SYT2: variants seen among roughly 807,000 people sequenced by gnomAD.
SYT2 encodes the protein synaptotagmin 2.
Under a neutral mutation model 39.9 loss-of-function variants are expected in SYT2, and 15 were observed. The observed-to-expected ratio is 0.38, with a 90% confidence interval of 0.25 to 0.58. The LOEUF (loss-of-function observed/expected upper bound fraction) is 0.58. SYT2 is among the 20% of genes least tolerant of loss of function. SYT2 has a pLI of 0.70. For synonymous variants in SYT2, 181 were observed against 204.5 expected (o/e 0.89, Z 0.98); for missense variants, 389 against 530.3 (o/e 0.73, Z 2.62).
chr1:202,642,712 G>A (rs1691951922), intron 1 of SYT2, among the ~76,000 whole-genome samples: 1 of 152,214 alleles, frequency 6.6e-6, no homozygotes, highest in African/African-American at 2.4e-5. Context: ...CGTGCCTCCG[G>A]CACACCCCCC....
chr1:202,663,413 T>TC (rs2149106629), intron 1 of SYT2, among the ~76,000 whole-genome samples: 1 of 152,224 alleles, frequency 6.6e-6, no homozygotes, highest in East Asian at 1.9e-4. Context: ...ACACAATACT[T>TC]CCCCAAGAAA....
At chr1:202,667,399 G>A (rs569664853) in intron 1 of SYT2, among the ~76,000 whole-genome samples, 1 of 151,876 alleles carries the variant, frequency 6.6e-6, no homozygotes, top group African/African-American at 2.4e-5. Context: ...CACTTGTCAG[G>A]GGAGCTTGGG....
chr1:202,599,217 C>T lies in SYT2; in HGVS notation c.1053+1G>A, dbSNP rs1690410094. 4 of 1,613,378 alleles carry T rather than the reference C, an allele frequency of 2.5e-6. No homozygotes were observed. Among genetic ancestry groups the T allele is most frequent in the Non-Finnish European group, 3.4e-6 (4 of 1,179,692 alleles). ...TGCCTAGGAACCCAGGGCTCCAGCA[C>T]CTGAATCTGCTCGAAGGGGATCTCA... On this transcript the variant is annotated splice_donor_variant, in intron 8 of 8. Coordinates refer to ENST00000367268, the MANE Select transcript of SYT2 (RefSeq NM_177402.5). LOFTEE classifies it high-confidence loss of function. This position sits in a 1 kb window ranked among gnomAD's most constrained non-coding sequence, Gnocchi z 4.4.
intron 1 of SYT2, chr1:202,630,292 C>T (rs1426224690): frequency 9.7e-6 from 8 of 823,162 alleles, no homozygotes; most frequent in Non-Finnish European, 1.2e-5. Flanking sequence ...CTGGCTCCCA[C>T]ACACTCTGGC....
At chr1:202,644,463 C>T (rs1220319462) in intron 1 of SYT2, among the ~76,000 whole-genome samples, 1 of 152,144 alleles carries the variant, frequency 6.6e-6, no homozygotes, top group Non-Finnish European at 1.5e-5. Context: ...CCTCAACCCC[C>T]AACCTCACCC....
intron 1 of SYT2, among the ~76,000 whole-genome samples, chr1:202,649,345 A>G (rs1692149568): frequency 6.6e-6 from 1 of 152,226 alleles, no homozygotes; most frequent in African/African-American, 2.4e-5. Flanking sequence ...GCCTGGAGTT[A>G]ATGAGATTCA....
At chr1:202,653,930 G>A (rs1692234530) in intron 1 of SYT2, among the ~76,000 whole-genome samples, 1 of 152,160 alleles carries the variant, frequency 6.6e-6, no homozygotes, top group East Asian at 1.9e-4. Flanking sequence ...GACATCCCTG[G>A]GGCCTGGAAA....
chr1:202,609,147 G>A (rs1206987145), intron 1 of SYT2, among the ~76,000 whole-genome samples: 12 of 150,476 alleles, frequency 8.0e-5, no homozygotes, highest in East Asian at 2.0e-4. Context: ...TTGTCCTTGC[G>A]ATAGTTTGCT....
At chr1:202,598,201 C>G (rs935106731) in intron 8 of SYT2, among the ~76,000 whole-genome samples, 7 of 152,164 alleles carry the variant, frequency 4.6e-5, no homozygotes, top group African/African-American at 1.4e-4. Context: ...AGGTGACGCC[C>G]AGGTTTCTGA....
Position 202,623,204 on chromosome 1 carries a change from C to A in SYT2, c.-17-17415G>T, listed in dbSNP as rs2149084206. Among the ~76,000 whole-genome samples, 1 of 152,350 alleles carries A rather than the reference C, an allele frequency of 6.6e-6. No homozygotes were observed. Among genetic ancestry groups the A allele is most frequent in the South Asian group, 2.1e-4 (1 of 4,830 alleles). Reference sequence around the variant, plus strand: ...ACAACTTGAAACAGGACAGAGAAGCCCGCCATCCCCATGGGAGAGGAGCTG... The same window carrying A: ...ACAACTTGAAACAGGACAGAGAAGCACGCCATCCCCATGGGAGAGGAGCTG... On this transcript the variant is annotated intron_variant, in intron 1 of 8. Transcript: ENST00000367268. This position sits in a 1 kb window ranked among gnomAD's most constrained non-coding sequence, Gnocchi z 4.2.
Position 202,680,243 on chromosome 1 carries a change from G to A in SYT2, c.-18+30015C>T, listed in dbSNP as rs148991342. On this transcript the variant is annotated intron_variant, in intron 1 of 8. Transcript: ENST00000367268. ...AATTCAGAGGATTCAAATTAATATA[G>A]GCCATTATGTAATTGGTGCTGAAAT... is the stretch of plus-strand genomic sequence containing the variant. 7.9e-3 allele frequency among the ~76,000 whole-genome samples: 1,203 copies of A among 152,274 alleles called. 20 individuals carry two copies. The highest frequency in any genetic ancestry group is 0.028 in the African/African-American group (1,155 of 41,540).
At chr1:202,633,985 G>A (rs1230028206) in intron 1 of SYT2, among the ~76,000 whole-genome samples, 1 of 152,216 alleles carries the variant, frequency 6.6e-6, no homozygotes, top group Admixed American at 6.5e-5. Flanking sequence ...AATCTCACAT[G>A]TGGGAGCAAG....
In SYT2 at chr1:202,624,320, T is replaced by C. The variant is rs367924662; in HGVS notation, c.-17-18531A>G. 4.1e-5 allele frequency among the ~76,000 whole-genome samples: 6 copies of C among 145,128 alleles called. No individual in the cohort carries two copies. In the South Asian group the frequency reaches 1.1e-3, roughly 26 times the overall value. ...GTGTGATGTAGGGGGTGGTGTGGGT[T>C]AGGGGTGGAGGCTCTAGTGGGGTGT... is the stretch of plus-strand genomic sequence containing the variant. On this transcript the variant is annotated intron_variant, in intron 1 of 8. Coordinates refer to ENST00000367268, the MANE Select transcript of SYT2 (RefSeq NM_177402.5).
intron 1 of SYT2, among the ~76,000 whole-genome samples, chr1:202,651,415 A>G (rs1692192624): frequency 1.3e-5 from 2 of 152,158 alleles, no homozygotes; most frequent in African/African-American, 4.8e-5. Flanking sequence ...AGCCTGTGCC[A>G]TATCCAGGAG....
intron 1 of SYT2, among the ~76,000 whole-genome samples, chr1:202,625,335 TGTA>T (rs1310117790): frequency 1.4e-5 from 2 of 143,462 alleles, no homozygotes; most frequent in Non-Finnish European, 1.5e-5. Flanking sequence ...GTGTGTGGCA[TGTA>T]GTAGGGTGTG....
At chr1:202,677,423 C>G (rs1653405382) in intron 1 of SYT2, among the ~76,000 whole-genome samples, 2 of 152,318 alleles carry the variant, frequency 1.3e-5, no homozygotes, top group South Asian at 4.1e-4. Context: ...CTCTTAGGCA[C>G]TTATTCTTGG....
chr1:202,669,628 G>A (rs1180661103), intron 1 of SYT2, among the ~76,000 whole-genome samples: 2 of 151,776 alleles, frequency 1.3e-5, no homozygotes, highest in African/African-American at 4.8e-5. Flanking sequence ...GCCTAGTGGT[G>A]GACGCCTGTG....
intron 1 of SYT2, among the ~76,000 whole-genome samples, chr1:202,618,404 T>TGC (rs1419969446): frequency 2.4e-5 from 1 of 40,850 alleles, no homozygotes; most frequent in East Asian, 4.3e-4. Context: ...GGTGTGAGTG[T>TGC]GTGTGTGTGT....
At position 202,628,393 on chromosome 1, in the gene SYT2, G is replaced by A. The variant is rs1691478132; in HGVS notation, c.-17-22604C>T. 6.6e-6 allele frequency among the ~76,000 whole-genome samples: 1 copy of A among 152,122 alleles called. No homozygotes were observed. The highest frequency in any genetic ancestry group is 1.5e-5 in the Non-Finnish European group (1 of 68,020). On this transcript the variant is annotated intron_variant, in intron 1 of 8. Transcript: ENST00000367268. The surrounding 1 kb of genome is among the most constrained non-coding windows in gnomAD (Gnocchi z 4.2). ...AGCTGGGAGCCAGCATCCCAGGCAGGGAGCCAGCCAAAGAAGGTGCAGTCT... is the reference window on the plus strand; with the variant it reads ...AGCTGGGAGCCAGCATCCCAGGCAGAGAGCCAGCCAAAGAAGGTGCAGTCT...
Sources: allele counts gnomAD v4.1 joint callset (sites outside exome capture counted in the v4.1 genomes callset), GRCh38; gene constraint gnomAD v4.1.1; non-coding constraint Gnocchi (gnomAD v3.1); transcripts MANE v1.5; gene names NCBI Gene and HGNC (gene_info 2026-07-23, HGNC 2026-07-21).